The following COL4A2 variants were observed in gnomAD, a reference collection of about 807,000 sequenced individuals.
The protein encoded by COL4A2 is collagen alpha-2(IV) chain.
COL4A2 carries 99 observed loss-of-function variants against 200.2 expected under a neutral mutation model. The ratio of observed to expected loss-of-function variants is 0.49; its 90% CI spans 0.42 to 0.58. COL4A2 has a LOEUF of 0.58. Among genes scored for constraint, COL4A2 ranks in the 20% least tolerant of loss-of-function variants. COL4A2 has a pLI of 0.00. For missense variants in COL4A2, 1,950 were observed against 2,314.1 expected, an observed-to-expected ratio of 0.84 and a Z score of 3.23; for synonymous variants, 897 against 900.6, an observed-to-expected ratio of 1.00 and a Z score of 0.07.
intron 18 of COL4A2, among the ~76,000 whole-genome samples, chr13:110,448,210 T>C (rs771588101): frequency 1.3e-5 from 2 of 152,214 alleles, no homozygotes; most frequent in African/African-American, 2.4e-5. Context: ...AAAGGAAATA[T>C]GCTGTTTGAG....
intron 3 of COL4A2, among the ~76,000 whole-genome samples, chr13:110,349,856 C>T (rs1485664120): frequency 6.6e-6 from 1 of 152,026 alleles, no homozygotes; most frequent in Non-Finnish European, 1.5e-5. Flanking sequence ...CTCCACTTCT[C>T]GGGTTGAAGT....
At chr13:110,364,332 G>A (rs992677762) in intron 4 of COL4A2, among the ~76,000 whole-genome samples, 5 of 152,198 alleles carry the variant, frequency 3.3e-5, no homozygotes, top group African/African-American at 9.7e-5. Flanking sequence ...AGGGGCTGTG[G>A]CAACTGGGTC....
At chr13:110,482,720 T>C in intron 32 of COL4A2, 61 bp downstream of exon 32, 1 of 1,549,302 alleles carries the variant, frequency 6.5e-7, no homozygotes, top group Non-Finnish European at 8.8e-7. Flanking sequence ...TTACCCTTTC[T>C]TGGTGGCATA....
Position 110,424,777 on chromosome 13 carries a change from C to T in COL4A2, c.224C>T (p.Pro75Leu), listed in dbSNP as rs761254454. The T allele has an allele frequency of 7.4e-6, 12 of 1,612,788 alleles. No homozygotes were observed. The highest frequency in any genetic ancestry group is 4.2e-6 in the Non-Finnish European group (5 of 1,178,968). ...GGCCCCCAGGGGTACAATGGGCCAC[C>T]AGGATTACAAGGATTCCCGGGACTG... Reference protein sequence around the residue: ...PVGPQGYNGPPGLQGFPGLQG... With the variant: ...PVGPQGYNGPLGLQGFPGLQG... Residue 75 changes from proline (P) to leucine (L), a missense_variant, in exon 5 of 48, where the codon CCA (proline) becomes CTA (leucine). Physicochemically the swap from Pro to Leu is moderately conservative, Grantham distance 98. Coordinates refer to ENST00000360467, the MANE Select transcript of COL4A2 (RefSeq NM_001846.4).
intron 18 of COL4A2, among the ~76,000 whole-genome samples, chr13:110,448,095 A>T (rs889547524): frequency 1.3e-5 from 2 of 152,130 alleles, no homozygotes; most frequent in Non-Finnish European, 2.9e-5. Flanking sequence ...CGAAGCTGGC[A>T]TTTCCTGCCT....
At chr13:110,367,552 A>G (rs1877809241) in intron 4 of COL4A2, among the ~76,000 whole-genome samples, 1 of 152,242 alleles carries the variant, frequency 6.6e-6, no homozygotes, top group Non-Finnish European at 1.5e-5. Flanking sequence ...ATGGCATTGT[A>G]AAAGTCTTAT....
At chr13:110,461,134 C>T (rs573984133) in intron 22 of COL4A2, among the ~76,000 whole-genome samples, 1 of 152,376 alleles carries the variant, frequency 6.6e-6, no homozygotes, top group Non-Finnish European at 1.5e-5. Context: ...TTGAGAGTCC[C>T]TGCAGGCAGC....
At chr13:110,511,900 T>G in intron 47 of COL4A2, 34 bp from the exon 48 acceptor site, 2 of 1,612,686 alleles carry the variant, frequency 1.2e-6, no homozygotes, top group Non-Finnish European at 1.7e-6. Context: ...CAGGCTGTGA[T>G]TCCTAACCCT....
At chr13:110,383,285 C>T (rs1006320546) in intron 4 of COL4A2, among the ~76,000 whole-genome samples, 7 of 152,136 alleles carry the variant, frequency 4.6e-5, no homozygotes, top group Admixed American at 4.6e-4. Context: ...CCATATGTAC[C>T]ATTTACAATA....
chr13:110,462,633 G>A (rs1049098842), intron 24 of COL4A2, among the ~76,000 whole-genome samples: 2 of 152,210 alleles, frequency 1.3e-5, no homozygotes, highest in African/African-American at 2.4e-5. Flanking sequence ...TCCTCCTGGT[G>A]TAACAGACTA....
chr13:110,450,232 T>G (rs1881486592), intron 19 of COL4A2, 73 bp from the exon 20 acceptor site: 1 of 1,393,072 alleles, frequency 7.2e-7, no homozygotes, highest in Admixed American at 1.8e-5. Context: ...AGTGGGCCCC[T>G]CTGGACACGA....
At chr13:110,472,113 C>CTTTTTTTT (rs112919154) in intron 28 of COL4A2, among the ~76,000 whole-genome samples, 5 of 145,906 alleles carry the variant, frequency 3.4e-5, no homozygotes, top group Non-Finnish European at 6.0e-5. Flanking sequence ...TTTCTTTTTT[C>CTTTTTTTT]TTTTTATTTT....
chr13:110,351,892 G>A (rs1321389069), intron 3 of COL4A2, among the ~76,000 whole-genome samples: 3 of 152,128 alleles, frequency 2.0e-5, no homozygotes, highest in South Asian at 4.1e-4. Flanking sequence ...TGGCCAATGC[G>A]CCTGGGAAGC....
intron 26 of COL4A2, 26 bp downstream of exon 26, chr13:110,466,088 T>G: frequency 6.2e-7 from 1 of 1,607,936 alleles, no homozygotes; most frequent in South Asian, 1.1e-5. Flanking sequence ...CAGGTGGCTT[T>G]AGGACACTAG....
chr13:110,511,996 G>C lies in COL4A2; in HGVS notation c.4944G>C (p.Glu1648Asp). The C allele has an allele frequency of 6.2e-7, 1 of 1,613,580 alleles. No homozygotes were observed. Residue 1648 changes from glutamate to aspartate, a missense_variant, in exon 48 of 48, where the codon GAG becomes GAC. Physicochemically the swap from Glu to Asp is conservative, Grantham distance 45. This residue lies in a region of COL4A2 where 1,385 missense variants were observed against 1,720.5 expected (regional missense o/e 0.80). Transcript: ENST00000360467. ...QSLVSPGSCL[E>D]DFRATPFIEC... is the part of the protein sequence containing the mutation. ...TGGTGTCACCGGGCAGCTGTCTAGAGGACTTCCGCGCCACACCATTCATCG... is the reference window on the plus strand; with the variant it reads ...TGGTGTCACCGGGCAGCTGTCTAGACGACTTCCGCGCCACACCATTCATCG...
rs748439914 is a variant in COL4A2 at position 110,438,674 on chromosome 13, C to T, written c.912+6C>T. 6.2e-7 allele frequency: 1 copy of T among 1,614,200 alleles called. No homozygotes were observed. Among genetic ancestry groups the T allele is most frequent in the Non-Finnish European group, 8.5e-7 (1 of 1,180,024 alleles). On this transcript the variant is annotated splice_donor_region_variant and intron_variant, in intron 15 of 47. Transcript: ENST00000360467. ...TGGGCTTTCCTGGACTGAGGGTAAA[C>T]CACGCCTTTTATAACTGCAGTTGTC...
intron 20 of COL4A2, among the ~76,000 whole-genome samples, chr13:110,452,834 C>T (rs967576380): frequency 1.3e-5 from 2 of 152,128 alleles, no homozygotes; most frequent in Non-Finnish European, 2.9e-5. Context: ...ATGATCTCTG[C>T]TCACTGCAAC....
intron 4 of COL4A2, among the ~76,000 whole-genome samples, chr13:110,379,482 T>C (rs568444274): frequency 6.6e-6 from 1 of 152,182 alleles, no homozygotes. Flanking sequence ...TCAGGCTCTG[T>C]GTATACCTCA....
chr13:110,497,644 A>AT (rs1398915145), intron 40 of COL4A2, among the ~76,000 whole-genome samples: 2 of 151,788 alleles, frequency 1.3e-5, no homozygotes, highest in Middle Eastern at 3.2e-3. Flanking sequence ...GTCCACCAGC[A>AT]CAACCTCCAC....
Sources: gnomAD v4.1 joint callset for allele counts (sites outside exome capture counted in the v4.1 genomes callset) on GRCh38, gnomAD v4.1.1 for gene constraint, gnomAD v4.1.1 regional missense constraint, MANE v1.5 for transcripts, NCBI Gene and HGNC (gene_info 2026-07-23, HGNC 2026-07-21) for gene names.